Variants in MYCT1 observed in about 807,000 individuals in gnomAD.
MYCT1 encodes myc target protein 1.
A neutral mutation model predicts 15.0 loss-of-function variants in MYCT1; 12 were observed. That is an observed-to-expected ratio of 0.80 (90% CI 0.51 to 1.29). The LOEUF (loss-of-function observed/expected upper bound fraction) is 1.29. MYCT1 is among the 50% of genes most tolerant of loss of function. MYCT1 has a pLI of 0.00. For synonymous variants in MYCT1, 104 were observed against 102.7 expected (o/e 1.01, Z -0.07); for missense variants, 287 against 279.1 (o/e 1.03, Z -0.20).
At chr6:152,706,847 A>ATGTGTGTGTGCG (rs142494865) in intron 1 of MYCT1, among the ~76,000 whole-genome samples, 2 of 148,196 alleles carry the variant, frequency 1.3e-5, no homozygotes, top group Non-Finnish European at 1.5e-5. Context: ...GAAACCATAT[A>ATGTGTGTGTGCG]TGTGTGTGTG....
At chr6:152,715,070 A>G (rs2099723411) in intron 1 of MYCT1, among the ~76,000 whole-genome samples, 2 of 152,148 alleles carry the variant, frequency 1.3e-5, no homozygotes, top group African/African-American at 4.8e-5. Context: ...TATGTTTTCT[A>G]AGCTTACTTA....
intron 1 of MYCT1, among the ~76,000 whole-genome samples, chr6:152,720,871 C>T (rs1189034814): frequency 6.6e-6 from 1 of 152,098 alleles, no homozygotes; most frequent in Admixed American, 6.6e-5. Context: ...AGGGGAGACT[C>T]AGTTACCTAG....
intron 1 of MYCT1, among the ~76,000 whole-genome samples, chr6:152,706,774 A>T (rs1300507562): frequency 2.6e-5 from 4 of 151,980 alleles, no homozygotes; most frequent in Non-Finnish European, 5.9e-5. Flanking sequence ...TGTACGATGG[A>T]TTTATCTAAA....
At chr6:152,731,783 T>C in the MYCT1 span, among the ~76,000 whole-genome samples, 1 of 150,056 alleles carries the variant, frequency 6.7e-6, no homozygotes, top group African/African-American at 2.5e-5. Flanking sequence ...GGTATCTCCA[T>C]GTTGTCCAGG....
chr6:152,703,039 T>A (rs1010512155), intron 1 of MYCT1, among the ~76,000 whole-genome samples: 1 of 152,214 alleles, frequency 6.6e-6, no homozygotes, highest in African/African-American at 2.4e-5. Flanking sequence ...ATAACTGTCC[T>A]TTCTCTGATA....
In MYCT1 at chr6:152,724,510, A is replaced by G. The variant is rs2099725280; in HGVS notation, c.*2257A>G. ...TTAAAGCAAAAACTGGAGACTTTTA[A>G]TGTATTTCTTTAATTTGAAATGTTT... is the stretch of plus-strand genomic sequence containing the variant. On this transcript the variant is annotated 3_prime_UTR_variant, in exon 2 of 2. Transcript: ENST00000367245. 6.6e-6 allele frequency: 1 copy of G among 152,168 alleles called. No individual in the cohort carries two copies. Among genetic ancestry groups the G allele is most frequent in the Non-Finnish European group, 1.5e-5 (1 of 68,018 alleles). 9.4% of individuals were successfully genotyped at this position (152,168 alleles called of 1,614,324 possible). A position where few individuals can be genotyped will look rare whatever the true frequency, so the allele number is the denominator to read the frequency against.
At position 152,715,555 on chromosome 6, in the gene MYCT1, C is replaced by A. The variant is rs2099723485; in HGVS notation, c.197-6187C>A. Among the ~76,000 whole-genome samples, 6 of 98,528 alleles carry A rather than the reference C, an allele frequency of 6.1e-5. No homozygotes were observed. In the South Asian group the frequency reaches 2.2e-3, roughly 37 times the overall value. The allele number at this position is 98,528 out of a possible 152,430, so 64.6% of individuals were successfully genotyped here. A position where few individuals can be genotyped will look rare whatever the true frequency, so the allele number is the denominator to read the frequency against. On this transcript the variant is annotated intron_variant, in intron 1 of 1. Transcript: ENST00000367245. ...TTTTCAGCTCATAATGGTTATGCGT[C>A]TCATTCACATTTTCTTAGAGTATAA...
intron 1 of MYCT1, among the ~76,000 whole-genome samples, chr6:152,704,694 T>C (rs1418646415): frequency 6.6e-6 from 1 of 152,208 alleles, no homozygotes; most frequent in Admixed American, 6.6e-5. Flanking sequence ...TTCGTGACTT[T>C]TTGTATTTTC....
intron 1 of MYCT1, among the ~76,000 whole-genome samples, chr6:152,707,452 G>C (rs1376581814): frequency 6.6e-6 from 1 of 151,950 alleles, no homozygotes; most frequent in Non-Finnish European, 1.5e-5. Flanking sequence ...TCATTCTGTA[G>C]GCGTCTCTTC....
At chr6:152,736,551 T>C in the MYCT1 span, among the ~76,000 whole-genome samples, 1 of 152,128 alleles carries the variant, frequency 6.6e-6, no homozygotes, top group Non-Finnish European at 1.5e-5. Context: ...GGAAATCCTG[T>C]AAATTGTGTA....
the MYCT1 span, among the ~76,000 whole-genome samples, chr6:152,732,355 G>C: frequency 6.6e-6 from 1 of 151,940 alleles, no homozygotes; most frequent in Admixed American, 6.6e-5. Context: ...AATAGAACTA[G>C]GCATATATGG....
At chr6:152,729,299 G>A (rs1282886730), downstream of MYCT1, among the ~76,000 whole-genome samples, 1 of 151,898 alleles carries the variant, frequency 6.6e-6, no homozygotes, top group Admixed American at 6.6e-5. Flanking sequence ...TAGTGCTCCA[G>A]TGACAAATTT....
chr6:152,744,241 C>T, the MYCT1 span, among the ~76,000 whole-genome samples: 2,487 of 152,300 alleles, frequency 0.016, 35 homozygotes, highest in Middle Eastern at 0.024. Flanking sequence ...ATCAATTGTT[C>T]ACCAATTGGA....
the MYCT1 span, among the ~76,000 whole-genome samples, chr6:152,739,605 T>TA: frequency 6.6e-6 from 1 of 152,044 alleles, no homozygotes; most frequent in African/African-American, 2.4e-5. Context: ...TTTAAGTTTT[T>TA]ATTGCATGAA....
the MYCT1 span, among the ~76,000 whole-genome samples, chr6:152,742,831 T>C: frequency 3.3e-5 from 5 of 152,138 alleles, no homozygotes; most frequent in Middle Eastern, 3.2e-3. Flanking sequence ...ATAAGTATGA[T>C]TGTCAGAGGC....
At chr6:152,743,358 G>T in the MYCT1 span, among the ~76,000 whole-genome samples, 1 of 152,114 alleles carries the variant, frequency 6.6e-6, no homozygotes, top group Non-Finnish European at 1.5e-5. Flanking sequence ...GAGCCACTGC[G>T]CCCGGCCCTT....
At chr6:152,713,819 A>C (rs2099723147) in intron 1 of MYCT1, among the ~76,000 whole-genome samples, 1 of 152,080 alleles carries the variant, frequency 6.6e-6, no homozygotes, top group African/African-American at 2.4e-5. Flanking sequence ...TTGTTTCTCA[A>C]GATCAGAAAC....
downstream of MYCT1, among the ~76,000 whole-genome samples, chr6:152,725,878 AC>A (rs1375461021): frequency 2.2e-4 from 33 of 152,288 alleles, no homozygotes; most frequent in Admixed American, 5.9e-4. Context: ...GATGTGAGTA[AC>A]CGACCGAACT....
intron 1 of MYCT1, among the ~76,000 whole-genome samples, chr6:152,704,152 G>A (rs538524258): frequency 2.0e-4 from 30 of 151,594 alleles, no homozygotes; most frequent in Non-Finnish European, 2.8e-4. Context: ...GTATGTCACC[G>A]CACCAGGCTA....
Sources: allele counts gnomAD v4.1 joint callset (sites outside exome capture counted in the v4.1 genomes callset), GRCh38; gene constraint gnomAD v4.1.1; transcripts MANE v1.5; gene names NCBI Gene and HGNC (gene_info 2026-07-23, HGNC 2026-07-21).